Variants in ZNF44 observed in about 807,000 individuals in gnomAD.
ZNF44 encodes gonadotropin inducible transcription repressor-2.
ZNF44 carries 9 observed loss-of-function variants against 11.7 expected under a neutral mutation model. The observed-to-expected ratio is 0.77, with a 90% CI of 0.46 to 1.35. ZNF44 has a LOEUF of 1.35. ZNF44 is among the 40% of genes most tolerant of loss of function. The pLI is 0.00. For missense variants in ZNF44, 696 were observed against 743.1 expected (o/e 0.94, Z 0.74); for synonymous variants, 224 against 242.7 (o/e 0.92, Z 0.72).
intron 5 of ZNF44, among the ~76,000 whole-genome samples, chr19:12,266,737 C>T (rs529833905): frequency 6.6e-6 from 1 of 152,292 alleles, no homozygotes; most frequent in African/African-American, 2.4e-5. Context: ...CAGGACATGC[C>T]CTCGCCAGAG....
At chr19:12,294,181 C>A (rs1452189695) in intron 1 of ZNF44, among the ~76,000 whole-genome samples, 1 of 152,184 alleles carries the variant, frequency 6.6e-6, no homozygotes, top group Non-Finnish European at 1.5e-5. Flanking sequence ...CACTCAGCAG[C>A]AGAATGCGGT....
At chr19:12,266,770 C>T (rs779303682) in intron 5 of ZNF44, among the ~76,000 whole-genome samples, 3 of 152,212 alleles carry the variant, frequency 2.0e-5, no homozygotes, top group Non-Finnish European at 4.4e-5. Flanking sequence ...TAAGAACTTG[C>T]TCCTGGCTTT....
intron 5 of ZNF44, among the ~76,000 whole-genome samples, chr19:12,261,704 C>T (rs1057052095): frequency 2.6e-5 from 4 of 152,126 alleles, no homozygotes; most frequent in Admixed American, 6.6e-5. Flanking sequence ...TACGCATTTA[C>T]AATTGCTTGT....
At chr19:12,292,013 GAA>G (rs1004645872) in intron 1 of ZNF44, among the ~76,000 whole-genome samples, 1 of 144,078 alleles carries the variant, frequency 6.9e-6, no homozygotes, top group African/African-American at 2.6e-5. Flanking sequence ...AAAAAGAAAA[GAA>G]AAGAAAAAAA....
intron 1 of ZNF44, among the ~76,000 whole-genome samples, chr19:12,276,943 C>T (rs540145659): frequency 6.6e-6 from 1 of 152,272 alleles, no homozygotes; most frequent in South Asian, 2.1e-4. Context: ...TCCCCATCAG[C>T]AAGAAGATTC....
At chr19:12,244,957 A>G (rs1916728570), downstream of ZNF44, among the ~76,000 whole-genome samples, 1 of 152,190 alleles carries the variant, frequency 6.6e-6, no homozygotes, top group Non-Finnish European at 1.5e-5. Flanking sequence ...CTTTGTGTTC[A>G]TCCTTATTAC....
chr19:12,293,337 C>G, intron 1 of ZNF44: 1 of 1,536,936 alleles, frequency 6.5e-7, no homozygotes, highest in South Asian at 1.2e-5. Context: ...CAGCTTCCAG[C>G]ATCTTAGGGT....
At chr19:12,275,730 G>A (rs527614521) in intron 2 of ZNF44, among the ~76,000 whole-genome samples, 2 of 152,092 alleles carry the variant, frequency 1.3e-5, no homozygotes, top group Admixed American at 1.3e-4. Context: ...ATATGTGCTC[G>A]TCACTTGTTT....
At chr19:12,246,852 C>A (rs919344887), downstream of ZNF44, among the ~76,000 whole-genome samples, 16 of 149,808 alleles carry the variant, frequency 1.1e-4, no homozygotes, top group African/African-American at 3.9e-4. Context: ...ATGGCAAGAC[C>A]CATCTCAAAA....
intron 5 of ZNF44, chr19:12,266,232 G>A (rs1917722110): frequency 1.0e-6 from 1 of 984,904 alleles, no homozygotes. Context: ...GTCCCAGCCA[G>A]CCCCTCCTCC....
chr19:12,273,632 C>CA lies in ZNF44; in HGVS notation c.622dup (p.Trp208LeufsTer9). ...TTCATGCATACGTAATAAACTGGGC[C>CA]AAAAAAAGGCTTTCCCACACAATTC... On this transcript the variant is annotated frameshift_variant, in exon 4 of 4. Transcript: ENST00000355684. LOFTEE classifies it low-confidence loss of function (END_TRUNC). 1 of 1,613,698 alleles carries CA rather than the reference C, an allele frequency of 6.2e-7. No homozygotes were observed. Among genetic ancestry groups the CA allele is most frequent in the East Asian group, 2.2e-5 (1 of 44,836 alleles).
intron 5 of ZNF44, chr19:12,260,329 G>T: frequency 1.1e-6 from 1 of 921,144 alleles, no homozygotes; most frequent in East Asian, 2.5e-5. Flanking sequence ...CAGAGATCCG[G>T]CCAGCCGAAG....
At chr19:12,271,335 T>C (rs1451499592), downstream of ZNF44, among the ~76,000 whole-genome samples, 4 of 152,206 alleles carry the variant, frequency 2.6e-5, no homozygotes, top group Admixed American at 1.3e-4. Context: ...TCTGCAAATA[T>C]GAAGACATAC....
At chr19:12,260,409 A>C (rs1917458508) in intron 5 of ZNF44, 1 of 1,438,632 alleles carries the variant, frequency 7.0e-7, no homozygotes, top group Non-Finnish European at 9.6e-7. Flanking sequence ...CATCAGACAC[A>C]TGATCCTCAA....
chr19:12,286,241 T>C (rs1172712085), intron 1 of ZNF44, among the ~76,000 whole-genome samples: 1 of 152,212 alleles, frequency 6.6e-6, no homozygotes, highest in East Asian at 1.9e-4. Context: ...TTACTAATTA[T>C]ATTTACATTT....
chr19:12,250,485 G>T, intron 5 of ZNF44: 1 of 946,078 alleles, frequency 1.1e-6, no homozygotes, highest in Non-Finnish European at 1.4e-6. Context: ...TTTATTCTAT[G>T]AATTTGTTGT....
At chr19:12,249,939 T>C in intron 7 of ZNF44, 2 of 1,215,530 alleles carry the variant, frequency 1.6e-6, no homozygotes, top group Non-Finnish European at 2.1e-6. Flanking sequence ...CTAAGATTTT[T>C]CTCCTAGAAT....
intron 1 of ZNF44, 80 bp from the exon 2 acceptor site, chr19:12,276,162 C>A: frequency 1.9e-6 from 3 of 1,548,292 alleles, no homozygotes; most frequent in Non-Finnish European, 2.6e-6. Context: ...ATAAACTTCC[C>A]ATGATGCTGT....
intron 5 of ZNF44, among the ~76,000 whole-genome samples, chr19:12,263,550 G>C (rs1377580636): frequency 6.6e-6 from 1 of 152,148 alleles, no homozygotes; most frequent in Non-Finnish European, 1.5e-5. Flanking sequence ...GCCAAGATGG[G>C]AGTCCCTGAG....
Sources: allele counts gnomAD v4.1 joint callset (sites outside exome capture counted in the v4.1 genomes callset), GRCh38; gene constraint gnomAD v4.1.1; transcripts MANE v1.5; gene names NCBI Gene and HGNC (gene_info 2026-07-23, HGNC 2026-07-21).